The following CMIP variants were observed in gnomAD, a reference collection of about 807,000 sequenced individuals.
The protein encoded by CMIP is C-Maf-inducing protein.
A neutral mutation model predicts 97.3 loss-of-function variants in CMIP; 13 were observed. The ratio of observed to expected loss-of-function variants is 0.13; its 90% CI spans 0.09 to 0.21. The LOEUF (loss-of-function observed/expected upper bound fraction) is 0.21. CMIP is among the 10% of genes least tolerant of loss of function. The pLI is 1.00. For synonymous variants in CMIP, 538 were observed against 436.3 expected (o/e 1.23, Z -2.91); for missense variants, 847 against 1,024.9 (o/e 0.83, Z 2.37).
At chr16:81,506,760 C>T (rs1380687660) in intron 1 of CMIP, among the ~76,000 whole-genome samples, 1 of 151,990 alleles carries the variant, frequency 6.6e-6, no homozygotes, top group Non-Finnish European at 1.5e-5. Flanking sequence ...TAAAAATTAG[C>T]TGTGTGTGGT....
At chr16:81,460,884 C>G (rs542405287) in intron 1 of CMIP, among the ~76,000 whole-genome samples, 12 of 152,336 alleles carry the variant, frequency 7.9e-5, no homozygotes, top group African/African-American at 2.6e-4. Context: ...TGCCTACCCA[C>G]TGTGGCCTTG....
Position 81,445,551 on chromosome 16 carries a change from T to C in CMIP, c.300+10T>C. 1 of 1,538,286 alleles carries C rather than the reference T, an allele frequency of 6.5e-7. No homozygotes were observed. Among genetic ancestry groups the C allele is most frequent in the South Asian group, 1.2e-5 (1 of 83,778 alleles). On this transcript the variant is annotated intron_variant, in intron 1 of 20. Coordinates refer to ENST00000537098, the MANE Select transcript of CMIP (RefSeq NM_198390.3). Reference sequence around the variant, plus strand: ...CCTGGCGTCCGCCACGGTGAGTGGCTCTGCGCGGCTGCACCCCCGCCTCTC... The same window carrying C: ...CCTGGCGTCCGCCACGGTGAGTGGCCCTGCGCGGCTGCACCCCCGCCTCTC...
intron 1 of CMIP, among the ~76,000 whole-genome samples, chr16:81,593,344 T>G (rs2091495042): frequency 1.3e-5 from 2 of 149,592 alleles, no homozygotes; most frequent in African/African-American, 4.9e-5. Context: ...TGGTTGAGAT[T>G]GGCGAGAGGT....
chr16:81,583,791 G>A (rs1156275942), intron 1 of CMIP, among the ~76,000 whole-genome samples: 1 of 152,142 alleles, frequency 6.6e-6, no homozygotes, highest in South Asian at 2.1e-4. Context: ...CTGAATACAA[G>A]GCCAAGGGGG....
chr16:81,629,779 T>A lies in CMIP; in HGVS notation c.477+8853T>A, dbSNP rs553342866. Among the ~76,000 whole-genome samples the A allele has an allele frequency of 3.3e-5, 5 of 152,376 alleles. No homozygotes were observed. In the South Asian group the frequency reaches 1.0e-3, roughly 32 times the overall value. ...CGCCCAAGGGAGGCTTCCTAATGGC[T>A]GCAGAATCGTCCGTGAAGAGGCTGG... On this transcript the variant is annotated intron_variant, in intron 3 of 20. Transcript: ENST00000537098.
intron 1 of CMIP, among the ~76,000 whole-genome samples, chr16:81,546,888 G>A (rs971582288): frequency 3.3e-5 from 5 of 152,304 alleles, no homozygotes; most frequent in South Asian, 2.1e-4. Context: ...TCAGTGCTCC[G>A]TAGCCACGCG....
At chr16:81,589,915 G>A (rs888556145) in intron 1 of CMIP, among the ~76,000 whole-genome samples, 24 of 152,292 alleles carry the variant, frequency 1.6e-4, no homozygotes, top group African/African-American at 5.5e-4. Flanking sequence ...ATGATAGGCC[G>A]GCGTCAGCCC....
At chr16:81,597,918 C>G (rs2091589500) in intron 1 of CMIP, among the ~76,000 whole-genome samples, 1 of 151,928 alleles carries the variant, frequency 6.6e-6, no homozygotes, top group South Asian at 2.1e-4. Flanking sequence ...TGGCCTATCC[C>G]CAGGTCTGGG....
intron 1 of CMIP, among the ~76,000 whole-genome samples, chr16:81,448,430 G>C (rs1905999986): frequency 6.6e-6 from 1 of 152,250 alleles, no homozygotes; most frequent in South Asian, 2.1e-4. Context: ...GATGCAGGCA[G>C]ACTCGGGCTC....
At chr16:81,620,146 C>G (rs2091973786) in intron 2 of CMIP, 1 of 152,120 alleles carries the variant, frequency 6.6e-6, no homozygotes. Flanking sequence ...GGTTATTGTC[C>G]CCATTTTACA....
chr16:81,626,835 CTA>C (rs1163344109), intron 3 of CMIP, among the ~76,000 whole-genome samples: 2 of 109,316 alleles, frequency 1.8e-5, no homozygotes, highest in African/African-American at 7.2e-5. Context: ...TATGGGGTGA[CTA>C]TTTTATGAGT....
At chr16:81,498,844 G>T (rs986384266) in intron 1 of CMIP, among the ~76,000 whole-genome samples, 2 of 152,136 alleles carry the variant, frequency 1.3e-5, no homozygotes, top group African/African-American at 4.8e-5. Context: ...CACAGTCCCA[G>T]TTAGTTTACA....
intron 3 of CMIP, among the ~76,000 whole-genome samples, chr16:81,633,869 G>T (rs1002956131): frequency 6.6e-6 from 1 of 152,194 alleles, no homozygotes; most frequent in South Asian, 2.1e-4. Context: ...GCCTGACACC[G>T]GCTGGAGGCA....
At chr16:81,642,235 G>C (rs2092314822) in intron 3 of CMIP, among the ~76,000 whole-genome samples, 1 of 152,178 alleles carries the variant, frequency 6.6e-6, no homozygotes, top group Non-Finnish European at 1.5e-5. Flanking sequence ...AGAATGTTCT[G>C]TGCCCTGTCT....
intron 1 of CMIP, chr16:81,495,591 C>A (rs752697498): frequency 7.5e-7 from 1 of 1,326,298 alleles, no homozygotes; most frequent in Non-Finnish European, 1.1e-6. Flanking sequence ...AATTCACAGA[C>A]CCACTTCTCA....
intron 10 of CMIP, among the ~76,000 whole-genome samples, chr16:81,691,184 C>T (rs775513754): frequency 1.3e-5 from 2 of 152,170 alleles, no homozygotes; most frequent in Non-Finnish European, 2.9e-5. Context: ...TCTCTCAGTT[C>T]GGGAAGGCAC....
intron 1 of CMIP, among the ~76,000 whole-genome samples, chr16:81,569,750 A>T (rs1029023016): frequency 6.6e-6 from 1 of 152,248 alleles, no homozygotes; most frequent in African/African-American, 2.4e-5. Context: ...TGGCTTAGCC[A>T]TAGCTTCACC....
intron 1 of CMIP, among the ~76,000 whole-genome samples, chr16:81,446,031 G>C (rs995153850): frequency 1.3e-5 from 2 of 151,868 alleles, no homozygotes; most frequent in Non-Finnish European, 1.5e-5. Context: ...CCAGAAGCCA[G>C]TTTCTCTGTT....
At chr16:81,552,901 T>G (rs1430272149) in intron 1 of CMIP, among the ~76,000 whole-genome samples, 3 of 152,186 alleles carry the variant, frequency 2.0e-5, no homozygotes, top group Non-Finnish European at 4.4e-5. Context: ...CCTGTCCTCA[T>G]GGAGCTGCCA....
Sources: allele counts gnomAD v4.1 joint callset (sites outside exome capture counted in the v4.1 genomes callset), GRCh38; gene constraint gnomAD v4.1.1; transcripts MANE v1.5; gene names NCBI Gene and HGNC (gene_info 2026-07-23, HGNC 2026-07-21).